The following EXPH5 variants were observed in gnomAD, a reference collection of about 807,000 sequenced individuals.
The protein encoded by EXPH5 is exophilin-5.
Under a neutral mutation model 41.1 loss-of-function variants are expected in EXPH5, and 42 were observed. The observed-to-expected ratio is 1.02, with a 90% CI of 0.80 to 1.32. The LOEUF (loss-of-function observed/expected upper bound fraction) is 1.32, where lower values mean the gene tolerates loss of function less well. EXPH5 is among the 40% of genes most tolerant of loss of function. EXPH5 has a pLI of 0.00. For synonymous variants in EXPH5, 798 were observed against 833.5 expected (o/e 0.96, Z 0.73); for missense variants, 2,298 against 2,314.5 (o/e 0.99, Z 0.15).
At chr11:108,560,543 A>C (rs952863096) in intron 1 of EXPH5, among the ~76,000 whole-genome samples, 3 of 152,252 alleles carry the variant, frequency 2.0e-5, no homozygotes, top group African/African-American at 7.2e-5. Context: ...GAATCCTTGC[A>C]CTAAAGGTTA....
chr11:108,516,508 A>T (rs999311067), intron 5 of EXPH5, among the ~76,000 whole-genome samples: 5 of 152,236 alleles, frequency 3.3e-5, no homozygotes, highest in African/African-American at 9.6e-5. Context: ...TAATAGATAT[A>T]GTTTACTATA....
chr11:108,593,818 C>A, upstream of EXPH5: 1 of 1,405,922 alleles, frequency 7.1e-7, no homozygotes, highest in South Asian at 1.2e-5. Flanking sequence ...GGGGCGGGCC[C>A]TCCCTTGTCC....
rs777137670 is a variant in EXPH5 at position 108,513,685 on chromosome 11, C to T, written c.1822G>A (p.Val608Ile). ...GAGGAAGCTTCTTTGTTTATATGTA[C>T]TTCTACAGGAGAACTGTCCTGTTGA... ...VSQQDSSPVE[V>I]HINKEASSFG... The change falls in exon 6 of 6, where the codon GTA (valine) becomes ATA (isoleucine). Residue 608 changes from valine to isoleucine, a missense_variant. Val to Ile is a conservative substitution (Grantham distance 29). Transcript: ENST00000265843. 5 of 1,612,802 alleles carry T rather than the reference C, an allele frequency of 3.1e-6. No homozygotes were observed. In the East Asian group the frequency reaches 8.9e-5, roughly 29 times the overall value.
In EXPH5 at chr11:108,593,451, T is replaced by C. The variant is rs1232566901; in HGVS notation, c.86A>G (p.Glu29Gly). The change falls in exon 1 of 6, where the codon GAG becomes GGG. Residue 29 changes from glutamate (E) to glycine (G), a missense_variant. Coordinates refer to ENST00000265843, the MANE Select transcript of EXPH5 (RefSeq NM_015065.3). ...RKILQVLERN[E>G]ELQRAEKDRI... ...GTCCTTCTCGGCCCTCTGTAACTCC[T>C]CATTCCTTTCCAGCACCTGAAGGAT... The C allele has an allele frequency of 2.5e-6, 4 of 1,614,048 alleles. No homozygotes were observed. The highest frequency in any genetic ancestry group is 1.7e-5 in the Admixed American group (1 of 60,008).
intron 3 of EXPH5, among the ~76,000 whole-genome samples, chr11:108,530,190 G>A (rs1215219232): frequency 6.6e-6 from 1 of 152,068 alleles, no homozygotes; most frequent in Admixed American, 6.6e-5. Context: ...TAATATCTAG[G>A]AGTTAAATAC....
chr11:108,587,125 CTT>C (rs1565837203), intron 1 of EXPH5, among the ~76,000 whole-genome samples: 3 of 151,594 alleles, frequency 2.0e-5, no homozygotes, highest in Non-Finnish European at 2.9e-5. Context: ...CTTTTCTTTT[CTT>C]TTATTATTAC....
At chr11:108,544,654 A>T (rs2093929183) in intron 1 of EXPH5, among the ~76,000 whole-genome samples, 1 of 152,232 alleles carries the variant, frequency 6.6e-6, no homozygotes, top group Non-Finnish European at 1.5e-5. Context: ...TCTTACAGCA[A>T]TAACCCCACC....
At chr11:108,572,226 C>T (rs2094062881) in intron 1 of EXPH5, among the ~76,000 whole-genome samples, 1 of 152,116 alleles carries the variant, frequency 6.6e-6, no homozygotes, top group South Asian at 2.1e-4. Flanking sequence ...CCAAAACAAC[C>T]AAAAGTAAAA....
chr11:108,535,176 G>A (rs1382485645), intron 3 of EXPH5, among the ~76,000 whole-genome samples: 2 of 152,128 alleles, frequency 1.3e-5, no homozygotes, highest in African/African-American at 2.4e-5. Context: ...CAAATATTCT[G>A]GAGAATTAAA....
intron 4 of EXPH5, among the ~76,000 whole-genome samples, chr11:108,521,528 C>T (rs193243161): frequency 7.9e-5 from 12 of 152,146 alleles, no homozygotes; most frequent in African/African-American, 1.9e-4. Context: ...ATATAAAATT[C>T]GGAAGTAAAC....
chr11:108,526,335 G>T (rs983091926), intron 4 of EXPH5, among the ~76,000 whole-genome samples: 1 of 152,138 alleles, frequency 6.6e-6, no homozygotes. Context: ...GCAGTGAAAT[G>T]GTTTCGTGCA....
intron 1 of EXPH5, among the ~76,000 whole-genome samples, chr11:108,581,053 T>C (rs1340002808): frequency 6.6e-6 from 1 of 152,312 alleles, no homozygotes; most frequent in East Asian, 1.9e-4. Flanking sequence ...ATGCCTGTCA[T>C]CCCAGCACTT....
At position 108,514,013 on chromosome 11, in the gene EXPH5, T is replaced by C. The variant is rs116257574; in HGVS notation, c.1494A>G (p.Lys498=). 4.1e-4 allele frequency: 654 copies of C among 1,613,880 alleles called. 4 individuals are homozygous for C. In the African/African-American group the frequency reaches 7.5e-3, roughly 19 times the overall value. The change falls in exon 6 of 6, where the codon AAA becomes AAG. Residue 498 remains lysine (K), a synonymous_variant. Coordinates refer to ENST00000265843, the MANE Select transcript of EXPH5 (RefSeq NM_015065.3). ...AGTCTCTGTCAGAAGAACTGAATGATTTCCTGCTTCGATGAAAGTCAGACC... is the reference window on the plus strand; with the variant it reads ...AGTCTCTGTCAGAAGAACTGAATGACTTCCTGCTTCGATGAAAGTCAGACC... ...SFWSDFHRSR[K]SFSSSDRDFE...
chr11:108,529,388 A>G (rs2093821906), intron 3 of EXPH5, among the ~76,000 whole-genome samples: 1 of 152,156 alleles, frequency 6.6e-6, no homozygotes, highest in Non-Finnish European at 1.5e-5. Flanking sequence ...GCTGGAGTGT[A>G]GTGGTATGAT....
chr11:108,547,662 A>G (rs544248764), intron 1 of EXPH5, among the ~76,000 whole-genome samples: 5 of 152,296 alleles, frequency 3.3e-5, no homozygotes, highest in Middle Eastern at 3.4e-3. Context: ...TGGTGTTACT[A>G]TTTATAATTG....
At chr11:108,590,885 T>C (rs1471459844) in intron 1 of EXPH5, among the ~76,000 whole-genome samples, 2 of 152,226 alleles carry the variant, frequency 1.3e-5, no homozygotes, top group African/African-American at 4.8e-5. Context: ...ACTCTTGGCC[T>C]CAAGCGATCC....
intron 1 of EXPH5, among the ~76,000 whole-genome samples, chr11:108,592,952 G>A (rs1390610635): frequency 6.6e-6 from 1 of 152,276 alleles, no homozygotes; most frequent in Non-Finnish European, 1.5e-5. Context: ...GGTGCCGAGG[G>A]AAAACTGCGT....
chr11:108,561,773 A>T (rs1469717821), intron 1 of EXPH5, among the ~76,000 whole-genome samples: 2 of 152,248 alleles, frequency 1.3e-5, no homozygotes, highest in East Asian at 3.8e-4. Flanking sequence ...TAAGAGACAC[A>T]TAGCGAGAAG....
chr11:108,569,380 C>T (rs928245853), intron 1 of EXPH5, among the ~76,000 whole-genome samples: 5 of 152,118 alleles, frequency 3.3e-5, no homozygotes, highest in African/African-American at 9.7e-5. Flanking sequence ...CTCTCTGTCA[C>T]GCAAGCTGGA....
Sources: allele counts gnomAD v4.1 joint callset (sites outside exome capture counted in the v4.1 genomes callset), GRCh38; gene constraint gnomAD v4.1.1; transcripts MANE v1.5; gene names NCBI Gene and HGNC (gene_info 2026-07-23, HGNC 2026-07-21).